Variants in MBOAT2 observed in about 807,000 individuals in gnomAD.
MBOAT2 encodes the protein membrane-bound glycerophospholipid O-acyltransferase 2.
A neutral mutation model predicts 63.4 loss-of-function variants in MBOAT2; 28 were observed. The observed-to-expected ratio is 0.44, with a 90% CI of 0.33 to 0.61. The LOEUF (loss-of-function observed/expected upper bound fraction) is 0.61, where lower values mean the gene tolerates loss of function less well. Among genes scored for constraint, MBOAT2 ranks in the 20% least tolerant of loss-of-function variants. The probability of loss-of-function intolerance (pLI) is 0.03; values close to 1 mark genes in which losing one functional copy is unlikely to be tolerated. For missense variants in MBOAT2, 470 were observed against 605.8 expected (o/e 0.78, Z 2.35); for synonymous variants, 211 against 215.6 (o/e 0.98, Z 0.19).
Position 8,877,124 on chromosome 2 carries a change from A to T in MBOAT2, c.596T>A (p.Ile199Asn). 6.2e-7 allele frequency: 1 copy of T among 1,614,178 alleles called. No homozygotes were observed. The change falls in exon 7 of 13, where the codon ATT (isoleucine) becomes AAT (asparagine). Residue 199 changes from isoleucine (I) to asparagine (N), a missense_variant. By Grantham distance (149) the Ile-to-Asn change is moderately radical (BLOSUM62 -3). Around this residue, in one of 3 missense-constraint regions of MBOAT2, gnomAD observed 376 missense variants for 503.8 expected, o/e 0.75. Coordinates refer to ENST00000305997, the MANE Select transcript of MBOAT2 (RefSeq NM_138799.4). ...AGPLCSYKDY[I>N]TFIEGRSYHI... ...GTATGATCTGCCTTCAATGAAAGTA[A>T]TGTAGTCTTTGTAAGAGCAAAGTGG...
chr2:8,921,290 ACAAT>A (rs1280043611), intron 3 of MBOAT2, among the ~76,000 whole-genome samples: 1 of 152,130 alleles, frequency 6.6e-6, no homozygotes, highest in Non-Finnish European at 1.5e-5. Context: ...TCATTTCATC[ACAAT>A]CTATTTCAGA....
intron 9 of MBOAT2, 27 bp from the exon 10 acceptor site, chr2:8,864,261 T>C: frequency 1.4e-6 from 2 of 1,426,298 alleles, no homozygotes; most frequent in South Asian, 1.3e-5. Context: ...CTTTTTTCTT[T>C]GTGTCACAAA....
chr2:8,923,941 C>G (rs1254030179), intron 3 of MBOAT2, among the ~76,000 whole-genome samples: 1 of 152,008 alleles, frequency 6.6e-6, no homozygotes, highest in African/African-American at 2.4e-5. Flanking sequence ...TTTTGTAGAT[C>G]AGCAAGGAAA....
intron 3 of MBOAT2, 148 bp downstream of exon 3, chr2:8,943,039 A>G: frequency 2.0e-6 from 1 of 511,788 alleles, no homozygotes. Flanking sequence ...ATGCATACCA[A>G]TGATTTTATT....
Position 8,856,471 on chromosome 2 carries a change from A to G in MBOAT2, c.*2208T>C, listed in dbSNP as rs1309401871. The G allele has an allele frequency of 1.3e-5, 2 of 152,152 alleles. No individual in the cohort carries two copies. Among genetic ancestry groups the G allele is most frequent in the Non-Finnish European group, 2.9e-5 (2 of 68,022 alleles). 9.4% of individuals were successfully genotyped at this position (152,152 alleles called of 1,614,324 possible). On this transcript the variant is annotated 3_prime_UTR_variant, in exon 13 of 13. Transcript: ENST00000305997. The surrounding 1 kb of genome is among the most constrained non-coding windows in gnomAD (Gnocchi z 4.2). ...CGGATTCTCTGCAACATTAATGAAA[A>G]TGATCAAACATTTTACAGGGCAGGT...
rs1296472353 is a variant in MBOAT2 at position 8,974,338 on chromosome 2, G to A, written c.76-15696C>T. The A allele has an allele frequency of 6.6e-6, 3 of 456,254 alleles. No individual in the cohort carries two copies. The East Asian group carries it at 2.1e-4, about 32-fold the overall frequency. The allele number at this position is 456,254 out of a possible 1,614,324, so 28.3% of individuals were successfully genotyped here. A position where few individuals can be genotyped will look rare whatever the true frequency, so the allele number is the denominator to read the frequency against. ...GAAAGTCTTCCTCACTCTTAAAAAGGGATACAACAAAGATACTTGCTTTTC... is the reference window on the plus strand; with the variant it reads ...GAAAGTCTTCCTCACTCTTAAAAAGAGATACAACAAAGATACTTGCTTTTC... On this transcript the variant is annotated intron_variant, in intron 1 of 12. Coordinates refer to ENST00000305997, the MANE Select transcript of MBOAT2 (RefSeq NM_138799.4).
intron 6 of MBOAT2, among the ~76,000 whole-genome samples, chr2:8,882,014 A>C (rs1663174720): frequency 6.6e-6 from 1 of 152,228 alleles, no homozygotes; most frequent in Non-Finnish European, 1.5e-5. Flanking sequence ...AATGAAGTAG[A>C]AGCTTATCCC....
chr2:8,863,250 T>C (rs16866831), intron 10 of MBOAT2, among the ~76,000 whole-genome samples: 10,458 of 152,176 alleles, frequency 0.069, 516 homozygotes, highest in Middle Eastern at 0.14. Context: ...CTGCAGCCAC[T>C]GGGGAGACTG....
intron 1 of MBOAT2, among the ~76,000 whole-genome samples, chr2:8,976,881 A>G (rs963956876): frequency 1.1e-4 from 17 of 152,214 alleles, no homozygotes; most frequent in African/African-American, 3.9e-4. Flanking sequence ...TGACACAGAC[A>G]ACAGCATGGA....
chr2:8,863,250 T>G (rs16866831), intron 10 of MBOAT2, among the ~76,000 whole-genome samples: 1 of 152,074 alleles, frequency 6.6e-6, no homozygotes, highest in South Asian at 2.1e-4. Context: ...CTGCAGCCAC[T>G]GGGGAGACTG....
At chr2:8,992,726 T>C (rs1391238277) in intron 1 of MBOAT2, among the ~76,000 whole-genome samples, 7 of 152,234 alleles carry the variant, frequency 4.6e-5, no homozygotes, top group Non-Finnish European at 1.0e-4. Flanking sequence ...TGGATTAAAA[T>C]GGGAAGCTAT....
At chr2:8,994,117 C>A (rs1164162000) in intron 1 of MBOAT2, among the ~76,000 whole-genome samples, 1 of 152,218 alleles carries the variant, frequency 6.6e-6, no homozygotes, top group Middle Eastern at 3.2e-3. Context: ...ATCACACCAG[C>A]CCTGCGGACT....
intron 6 of MBOAT2, among the ~76,000 whole-genome samples, chr2:8,881,995 C>T (rs1219492514): frequency 6.6e-6 from 1 of 152,130 alleles, no homozygotes; most frequent in Non-Finnish European, 1.5e-5. Flanking sequence ...CATCAGAGTG[C>T]CTTTAATAAA....
At chr2:8,912,303 G>GAAAGA (rs1665773691) in intron 3 of MBOAT2, among the ~76,000 whole-genome samples, 1 of 60,150 alleles carries the variant, frequency 1.7e-5, no homozygotes, top group Non-Finnish European at 3.2e-5. Context: ...AGAAAGAAAA[G>GAAAGA]AAAGAAAGAA....
intron 1 of MBOAT2, among the ~76,000 whole-genome samples, chr2:8,981,722 G>A (rs1458421625): frequency 6.6e-6 from 1 of 152,136 alleles, no homozygotes; most frequent in Admixed American, 6.5e-5. Context: ...CAGAGATGAA[G>A]AACACAGTGT....
At position 8,855,009 on chromosome 2, in the gene MBOAT2, G is replaced by A. The variant is rs1164564760; in HGVS notation, c.*3670C>T. On this transcript the variant is annotated 3_prime_UTR_variant, in exon 13 of 13. Transcript: ENST00000305997. ...AGCAGAGAGAGCAAAAGGAAAACAT[G>A]TTTTCTTCAGCAGAGACTATTTCAT... 6.6e-6 allele frequency: 1 copy of A among 152,192 alleles called. No individual in the cohort carries two copies. Among genetic ancestry groups the A allele is most frequent in the African/African-American group, 2.4e-5 (1 of 41,436 alleles). 9.4% of individuals were successfully genotyped at this position (152,192 alleles called of 1,614,324 possible).
At chr2:8,914,772 C>G (rs1034216343) in intron 3 of MBOAT2, among the ~76,000 whole-genome samples, 34 of 151,888 alleles carry the variant, frequency 2.2e-4, no homozygotes, top group African/African-American at 8.2e-4. Flanking sequence ...TAAAATAAAC[C>G]CCAGATTTTG....
chr2:8,951,837 G>A (rs1351550791), intron 2 of MBOAT2, among the ~76,000 whole-genome samples: 1 of 152,170 alleles, frequency 6.6e-6, no homozygotes, highest in Non-Finnish European at 1.5e-5. Flanking sequence ...AATCTAGCTA[G>A]CAATCTATTG....
intron 5 of MBOAT2, among the ~76,000 whole-genome samples, chr2:8,887,290 T>C (rs1663627452): frequency 6.6e-6 from 1 of 152,118 alleles, no homozygotes; most frequent in Non-Finnish European, 1.5e-5. Flanking sequence ...AAACTAAGTG[T>C]TAATTTTGCT....
Sources: gnomAD v4.1 joint callset for allele counts (sites outside exome capture counted in the v4.1 genomes callset) on GRCh38, gnomAD v4.1.1 for gene constraint, gnomAD v4.1.1 regional missense constraint, Gnocchi (gnomAD v3.1) non-coding constraint, MANE v1.5 for transcripts, NCBI Gene and HGNC (gene_info 2026-07-23, HGNC 2026-07-21) for gene names.